The following NRXN3 variants were observed in gnomAD, a reference collection of about 807,000 sequenced individuals.
The protein encoded by NRXN3 is neurexin 3.
A neutral mutation model predicts 137.6 loss-of-function variants in NRXN3; 32 were observed. That is an observed-to-expected ratio of 0.23 (90% CI 0.18 to 0.31). The LOEUF (loss-of-function observed/expected upper bound fraction) is 0.31. Among genes scored for constraint, NRXN3 ranks in the 10% least tolerant of loss-of-function variants. The probability of loss-of-function intolerance (pLI) is 1.00; values close to 1 mark genes in which losing one functional copy is unlikely to be tolerated. For synonymous variants in NRXN3, 798 were observed against 784.5 expected (o/e 1.02, Z -0.29); for missense variants, 1,574 against 2,062.5 (o/e 0.76, Z 4.59).
intron 17 of NRXN3, among the ~76,000 whole-genome samples, chr14:79,668,425 C>A (rs548216445): frequency 1.2e-4 from 19 of 152,038 alleles, no homozygotes; most frequent in Non-Finnish European, 2.5e-4. Context: ...TTTAAGGTTA[C>A]GTTATCAAGG....
chr14:78,545,079 C>A (rs2096625296), intron 4 of NRXN3, among the ~76,000 whole-genome samples: 1 of 152,108 alleles, frequency 6.6e-6, no homozygotes, highest in Non-Finnish European at 1.5e-5. Context: ...TATTGGCATT[C>A]CTATAGATGT....
chr14:79,509,983 G>A lies in NRXN3; in HGVS notation c.3444+42581G>A, dbSNP rs937831428. On this transcript the variant is annotated intron_variant, in intron 16 of 20. Transcript: ENST00000335750. ...AGGGATCAAGGGTAGATCTCAACCC[G>A]CCTGTCACTGAGTATGCAGTGCTCA... 7.3e-5 allele frequency among the ~76,000 whole-genome samples: 11 copies of A among 149,804 alleles called. No individual in the cohort carries two copies. In the East Asian group the frequency reaches 1.2e-3, roughly 16 times the overall value.
intron 8 of NRXN3, among the ~76,000 whole-genome samples, chr14:78,792,169 C>T (rs2098807063): frequency 8.0e-6 from 1 of 125,534 alleles, no homozygotes; most frequent in Non-Finnish European, 1.6e-5. Flanking sequence ...TTGAATGACT[C>T]AAGAAAAATT....
chr14:79,659,003 G>C (rs561462723), intron 16 of NRXN3, among the ~76,000 whole-genome samples: 18 of 152,280 alleles, frequency 1.2e-4, no homozygotes, highest in African/African-American at 4.1e-4. Context: ...GAGCATTTCT[G>C]CTCCTGGAGT....
At chr14:79,698,436 G>T (rs1356297667) in intron 19 of NRXN3, among the ~76,000 whole-genome samples, 2 of 151,978 alleles carry the variant, frequency 1.3e-5, no homozygotes, top group Non-Finnish European at 2.9e-5. Context: ...CTTGTAAAAT[G>T]CAGTCTTTAT....
At chr14:78,753,287 A>T (rs77366125) in intron 8 of NRXN3, among the ~76,000 whole-genome samples, 1 of 152,140 alleles carries the variant, frequency 6.6e-6, no homozygotes, top group Non-Finnish European at 1.5e-5. Flanking sequence ...GAAAAAAAAA[A>T]TTCTGTATTT....
intron 6 of NRXN3, among the ~76,000 whole-genome samples, chr14:78,675,492 T>A (rs543633917): frequency 9.2e-5 from 14 of 152,304 alleles, no homozygotes; most frequent in African/African-American, 3.4e-4. Context: ...CCTCTAAATT[T>A]TTTCAGCAGT....
chr14:78,504,718 G>C (rs545865043), intron 4 of NRXN3, among the ~76,000 whole-genome samples: 2 of 152,238 alleles, frequency 1.3e-5, no homozygotes, highest in South Asian at 4.2e-4. Flanking sequence ...CCTTTGATAT[G>C]ATGGCCAGTG....
chr14:78,227,085 C>A (rs953302140), intron 1 of NRXN3, among the ~76,000 whole-genome samples: 1 of 152,222 alleles, frequency 6.6e-6, no homozygotes. Flanking sequence ...CTGGGCTCAA[C>A]ATTATGGTAC....
intron 4 of NRXN3, among the ~76,000 whole-genome samples, chr14:78,461,776 G>A (rs553078931): frequency 5.8e-4 from 88 of 152,264 alleles, no homozygotes; most frequent in Non-Finnish European, 1.0e-3. Flanking sequence ...TATAAGCTTC[G>A]AGAATGGCTG....
chr14:79,764,533 A>C (rs913864299), intron 19 of NRXN3, among the ~76,000 whole-genome samples: 1 of 152,314 alleles, frequency 6.6e-6, no homozygotes, highest in East Asian at 1.9e-4. Flanking sequence ...CATGGGGGCC[A>C]TGTCTAGGGA....
intron 15 of NRXN3, among the ~76,000 whole-genome samples, chr14:79,064,071 C>T (rs879704670): frequency 8.5e-5 from 13 of 152,202 alleles, no homozygotes; most frequent in East Asian, 1.9e-4. Flanking sequence ...AATAATTAAA[C>T]GGTAAATTAC....
At chr14:79,723,317 C>G (rs1186322271) in intron 19 of NRXN3, among the ~76,000 whole-genome samples, 1 of 152,042 alleles carries the variant, frequency 6.6e-6, no homozygotes, top group Non-Finnish European at 1.5e-5. Context: ...TCCATAGACA[C>G]AAAACAAACT....
At chr14:79,210,064 T>A (rs2067416040) in intron 15 of NRXN3, among the ~76,000 whole-genome samples, 1 of 152,196 alleles carries the variant, frequency 6.6e-6, no homozygotes, top group Non-Finnish European at 1.5e-5. Context: ...TGTTGGACAG[T>A]TACAGATAAG....
Position 79,330,980 on chromosome 14 carries a change from T to A in NRXN3, c.3263-136241T>A, listed in dbSNP as rs574415546. Among the ~76,000 whole-genome samples the A allele has an allele frequency of 1.2e-4, 19 of 152,276 alleles. No homozygotes were observed. The South Asian group carries it at 3.3e-3, about 27-fold the overall frequency. On this transcript the variant is annotated intron_variant, in intron 15 of 20. Coordinates refer to ENST00000335750, the MANE Select transcript of NRXN3 (RefSeq NM_001330195.2). ...CGTTTCACTTAGAAAATGAAACTTTTATTTTGGCTAAACGAGTATGGTGTC... is the reference window on the plus strand; with the variant it reads ...CGTTTCACTTAGAAAATGAAACTTTAATTTTGGCTAAACGAGTATGGTGTC...
intron 4 of NRXN3, among the ~76,000 whole-genome samples, chr14:78,491,638 ATTTTATAAC>A (rs1223726760): frequency 6.6e-6 from 1 of 152,156 alleles, no homozygotes; most frequent in East Asian, 1.9e-4. Flanking sequence ...GATATCATGT[ATTTTATAAC>A]TCTTTGGGGA....
chr14:78,789,128 A>G (rs2098797857), intron 8 of NRXN3, among the ~76,000 whole-genome samples: 1 of 152,222 alleles, frequency 6.6e-6, no homozygotes, highest in African/African-American at 2.4e-5. Flanking sequence ...GAATAAGATT[A>G]CATCTAGTCT....
chr14:79,602,176 T>G (rs972181463), intron 16 of NRXN3, among the ~76,000 whole-genome samples: 2 of 152,214 alleles, frequency 1.3e-5, no homozygotes, highest in African/African-American at 4.8e-5. Context: ...ACAAGCCCTG[T>G]GTCATGCAAA....
At chr14:78,934,037 T>C (rs2099328876) in intron 10 of NRXN3, among the ~76,000 whole-genome samples, 1 of 151,884 alleles carries the variant, frequency 6.6e-6, no homozygotes, top group Non-Finnish European at 1.5e-5. Context: ...TGGATTATTG[T>C]AATAATCCTT....
Sources: allele counts gnomAD v4.1 joint callset (sites outside exome capture counted in the v4.1 genomes callset), GRCh38; gene constraint gnomAD v4.1.1; transcripts MANE v1.5; gene names NCBI Gene and HGNC (gene_info 2026-07-23, HGNC 2026-07-21).